SLC7A8: variants seen among roughly 807,000 people sequenced by gnomAD.
SLC7A8 encodes solute carrier family 7 member 8.
Under a neutral mutation model 51.2 loss-of-function variants are expected in SLC7A8, and 30 were observed. That is an observed-to-expected ratio of 0.59 (90% CI 0.44 to 0.80). The LOEUF (loss-of-function observed/expected upper bound fraction) is 0.80. Among genes scored for constraint, SLC7A8 ranks in the 30% least tolerant of loss-of-function variants. SLC7A8 has a pLI of 0.00. For synonymous variants in SLC7A8, 257 were observed against 275.8 expected (o/e 0.93, Z 0.67); for missense variants, 612 against 674.4 (o/e 0.91, Z 1.03).
chr14:23,161,135 C>T (rs1165022079), intron 3 of SLC7A8, among the ~76,000 whole-genome samples: 1 of 152,060 alleles, frequency 6.6e-6, no homozygotes, highest in Non-Finnish European at 1.5e-5. Context: ...CCGACCCGCT[C>T]AGGATCCGGC....
At position 23,167,947 on chromosome 14, in the gene SLC7A8, A is replaced by C. The variant is rs143268190; in HGVS notation, c.152-1407T>G. Among the ~76,000 whole-genome samples the C allele has an allele frequency of 1.2e-3, 187 of 152,262 alleles. 2 individuals carry two copies. Among genetic ancestry groups the C allele is most frequent in the African/African-American group, 4.4e-3 (181 of 41,558 alleles). The stretch of plus-strand genomic sequence containing the variant: ...AACTCAACCTCAATCTAGCCCTGAG[A>C]CTGAAATATAGGATCAGAGGGCACA... On this transcript the variant is annotated intron_variant, in intron 1 of 10. Transcript: ENST00000316902.
chr14:23,177,316 A>G lies in SLC7A8; in HGVS notation c.151+5448T>C, dbSNP rs79524605. Among the ~76,000 whole-genome samples, 78 of 152,014 alleles carry G rather than the reference A, an allele frequency of 5.1e-4. 3 individuals carry two copies. In the East Asian group the frequency reaches 0.013, roughly 26 times the overall value. ...TGTACCATTCACTGAGTTTCAGCCAATCAAAGGCAGCCAACTGTCCAACCC... is the reference window on the plus strand; with the variant it reads ...TGTACCATTCACTGAGTTTCAGCCAGTCAAAGGCAGCCAACTGTCCAACCC... On this transcript the variant is annotated intron_variant, in intron 1 of 10. Transcript: ENST00000316902.
rs1286453588 is a variant in SLC7A8, at chr14:23,129,648, A to G, written c.1263+2T>C. ...GGGGACCCCAAAGGGAGTTTCTCTC[A>G]CCTTGATGGGGCGGGGGATATCAGG... is the stretch of plus-strand genomic sequence containing the variant. On this transcript the variant is annotated splice_donor_variant, in intron 9 of 10. Coordinates refer to ENST00000316902, the MANE Select transcript of SLC7A8 (RefSeq NM_012244.4). LOFTEE classifies it high-confidence loss of function. 6.2e-7 allele frequency: 1 copy of G among 1,613,794 alleles called. No homozygotes were observed.
intron 1 of SLC7A8, among the ~76,000 whole-genome samples, chr14:23,174,759 AG>A (rs979064375): frequency 2.0e-5 from 3 of 152,224 alleles, no homozygotes; most frequent in African/African-American, 7.2e-5. Context: ...CCAGATCTCC[AG>A]GGAGAAGGGA....
chr14:23,173,514 G>C (rs941702183), intron 1 of SLC7A8, among the ~76,000 whole-genome samples: 1 of 152,114 alleles, frequency 6.6e-6, no homozygotes, highest in South Asian at 2.1e-4. Context: ...TGTGAGTTGG[G>C]GGTGGGAACC....
chr14:23,170,633 A>C (rs1181996265), intron 1 of SLC7A8, among the ~76,000 whole-genome samples: 2 of 151,754 alleles, frequency 1.3e-5, no homozygotes, highest in East Asian at 3.9e-4. Context: ...TAATTTTTGT[A>C]TTATTAGTAA....
chr14:23,130,479 C>T (rs1230106192), intron 8 of SLC7A8, among the ~76,000 whole-genome samples: 1 of 152,224 alleles, frequency 6.6e-6, no homozygotes, highest in Non-Finnish European at 1.5e-5. Flanking sequence ...ACAAAAGGTT[C>T]TGTTCTCTTG....
At chr14:23,142,699 G>A (rs8010718) in intron 4 of SLC7A8, among the ~76,000 whole-genome samples, 30,251 of 151,762 alleles carry the variant, frequency 0.2, 3,190 homozygotes, top group South Asian at 0.32. Flanking sequence ...ATGGGATCTC[G>A]CTGTGCTGTT....
intron 1 of SLC7A8, among the ~76,000 whole-genome samples, chr14:23,170,668 AG>A (rs1167181067): frequency 6.6e-6 from 1 of 152,140 alleles, no homozygotes; most frequent in Non-Finnish European, 1.5e-5. Context: ...CATGTTGGCC[AG>A]GCTGGTCTCG....
chr14:23,166,544 C>A lies in SLC7A8; in HGVS notation c.152-4G>T, dbSNP rs1396917127. Reference sequence around the variant, plus strand: ...ATTCCAGAGCCGATGATGTTCCCTGCATGAGGCACCAAGGGTAAGGAGGGG... The same window carrying A: ...ATTCCAGAGCCGATGATGTTCCCTGAATGAGGCACCAAGGGTAAGGAGGGG... On this transcript the variant is annotated splice_polypyrimidine_tract_variant and splice_region_variant and intron_variant, in intron 1 of 10. Coordinates refer to ENST00000316902, the MANE Select transcript of SLC7A8 (RefSeq NM_012244.4). 1 of 1,613,884 alleles carries A rather than the reference C, an allele frequency of 6.2e-7. No individual in the cohort carries two copies. Among genetic ancestry groups the A allele is most frequent in the South Asian group, 1.1e-5 (1 of 91,076 alleles).
At chr14:23,178,871 T>C (rs1455083705) in intron 1 of SLC7A8, among the ~76,000 whole-genome samples, 1 of 125,456 alleles carries the variant, frequency 8.0e-6, no homozygotes, top group Non-Finnish European at 1.6e-5. Flanking sequence ...GTTAACAGAG[T>C]GAGATCTTGT....
At chr14:23,136,420 C>G (rs1284181796) in intron 7 of SLC7A8, among the ~76,000 whole-genome samples, 3 of 152,180 alleles carry the variant, frequency 2.0e-5, no homozygotes, top group African/African-American at 7.2e-5. Flanking sequence ...TTGCAAGTGT[C>G]AGGTTCACAA....
At chr14:23,178,285 G>A (rs965957311) in intron 1 of SLC7A8, among the ~76,000 whole-genome samples, 7 of 152,182 alleles carry the variant, frequency 4.6e-5, no homozygotes, top group Non-Finnish European at 4.4e-5. Context: ...GACTTTGGGG[G>A]GAACTCCACG....
intron 1 of SLC7A8, among the ~76,000 whole-genome samples, chr14:23,170,887 A>G (rs2048972267): frequency 1.3e-5 from 2 of 151,322 alleles, no homozygotes; most frequent in Admixed American, 1.3e-4. Context: ...CACTATACAA[A>G]GCTAATTTTT....
At chr14:23,137,620 G>C (rs1013489206) in intron 7 of SLC7A8, among the ~76,000 whole-genome samples, 2 of 152,200 alleles carry the variant, frequency 1.3e-5, no homozygotes, top group African/African-American at 4.8e-5. Flanking sequence ...GACTGGGGGC[G>C]GCGTCAGGCA....
At chr14:23,150,607 G>A (rs1460552160) in intron 3 of SLC7A8, among the ~76,000 whole-genome samples, 1 of 152,110 alleles carries the variant, frequency 6.6e-6, no homozygotes, top group Admixed American at 6.5e-5. Flanking sequence ...ATCATGTGAC[G>A]ATACTCTGTA....
chr14:23,133,628 A>G (rs1413164060), intron 7 of SLC7A8, among the ~76,000 whole-genome samples: 1 of 151,948 alleles, frequency 6.6e-6, no homozygotes, highest in East Asian at 1.9e-4. Context: ...GGAGTTTGAG[A>G]CCAGCCTGGC....
chr14:23,131,993 C>T (rs1015157413), intron 7 of SLC7A8, among the ~76,000 whole-genome samples: 1 of 147,356 alleles, frequency 6.8e-6, no homozygotes, highest in Non-Finnish European at 1.5e-5. Flanking sequence ...GCTTTAAAAA[C>T]ACTCTATTTT....
rs758219463 is a variant in SLC7A8 at position 23,166,354 on chromosome 14, A to G, written c.338T>C (p.Ile113Thr). ...SGGDYSYVKD[I>T]FGGLAGFLRL... ...CTCTTACCCAGCCAGTCCTCCGAAGATGTCCTTGACATAGGAGTAGTCACC... is the reference window on the plus strand; with the variant it reads ...CTCTTACCCAGCCAGTCCTCCGAAGGTGTCCTTGACATAGGAGTAGTCACC... The change falls in exon 2 of 11, where the codon ATC becomes ACC. Residue 113 changes from isoleucine (I) to threonine (T), a missense_variant. Ile to Thr is a moderately conservative substitution (Grantham distance 89). Transcript: ENST00000316902. The G allele has an allele frequency of 1.2e-6, 2 of 1,613,916 alleles. No homozygotes were observed. The highest frequency in any genetic ancestry group is 2.2e-5 in the South Asian group (2 of 91,086).
Sources: allele counts gnomAD v4.1 joint callset (sites outside exome capture counted in the v4.1 genomes callset), GRCh38; gene constraint gnomAD v4.1.1; transcripts MANE v1.5; gene names NCBI Gene and HGNC (gene_info 2026-07-23, HGNC 2026-07-21).